The following HS6ST2 variants were observed in gnomAD, a reference collection of about 807,000 sequenced individuals.
HS6ST2 encodes heparan sulfate 6-O-sulfotransferase 2, also known as heparan-sulfate 6-O-sulfotransferase 2.
HS6ST2 carries 17 observed loss-of-function variants against 33.0 expected under a neutral mutation model. That is an observed-to-expected ratio of 0.52 (90% confidence interval 0.35 to 0.77). HS6ST2 has a LOEUF of 0.77. HS6ST2 is among the 30% of genes least tolerant of loss of function. The probability of loss-of-function intolerance (pLI) is 0.01; values close to 1 mark genes in which losing one functional copy is unlikely to be tolerated. For synonymous variants in HS6ST2, 248 were observed against 237.1 expected (o/e 1.05, Z -0.42); for missense variants, 519 against 551.7 (o/e 0.94, Z 0.59).
intron 2 of HS6ST2, among the ~76,000 whole-genome samples, chrX:132,870,450 A>T (rs765538294): frequency 1.9e-3 from 207 of 111,709 alleles, no homozygotes; most frequent in African/African-American, 6.3e-3. Flanking sequence ...AAAAGAGCCC[A>T]TGTAGCCAAG....
At chrX:132,827,929 T>G (rs757901107) in intron 2 of HS6ST2, among the ~76,000 whole-genome samples, 1 of 111,901 alleles carries the variant, frequency 8.9e-6, no homozygotes, top group Non-Finnish European at 1.9e-5. Flanking sequence ...GAGCCATGAT[T>G]TTCATCAAAA....
At chrX:132,864,991 T>C (rs751861443) in intron 2 of HS6ST2, among the ~76,000 whole-genome samples, 121 of 110,980 alleles carry the variant, frequency 1.1e-3, no homozygotes, top group African/African-American at 3.9e-3. Flanking sequence ...TTTATTATTA[T>C]TATACTTTAA....
At chrX:132,816,815 G>A (rs772043914) in intron 2 of HS6ST2, among the ~76,000 whole-genome samples, 64 of 111,563 alleles carry the variant, frequency 5.7e-4, no homozygotes, top group African/African-American at 2.0e-3. Flanking sequence ...AGGAAGTCTC[G>A]CTGCCAGCTG....
chrX:132,629,050 A>G lies in HS6ST2; in HGVS notation c.1111T>C (p.Tyr371His). 8.3e-7 allele frequency: 1 copy of G among 1,202,585 alleles called. No individual in the cohort carries two copies. Among genetic ancestry groups the G allele is most frequent in the South Asian group, 1.8e-5 (1 of 55,392 alleles). ...TGGACATGCCTCCACTCACTCAAGT[A>G]CCGGGACACTGGGTCTCGGAGGATG... is the stretch of plus-strand genomic sequence containing the variant. ...ITILRDPVSR[Y>H]LSEWRHVQRG... is the part of the protein sequence containing the mutation. The change falls in exon 5 of 5, where the codon TAC becomes CAC. Residue 371 changes from tyrosine to histidine, a missense_variant. By Grantham distance (83) the Tyr-to-His change is moderately conservative. Transcript: ENST00000370833.
chrX:132,958,086 C>T, intron 1 of HS6ST2, 89 bp downstream of exon 1: 1 of 921,718 alleles, frequency 1.1e-6, no homozygotes, highest in Non-Finnish European at 1.4e-6. Context: ...TTACGCCCTT[C>T]TCTACCCCCC....
chrX:132,945,926 C>G (rs2066948890), intron 2 of HS6ST2, among the ~76,000 whole-genome samples: 1 of 109,496 alleles, frequency 9.1e-6, no homozygotes, highest in Admixed American at 9.7e-5. Context: ...GTGCAGCACA[C>G]CAACATGGCA....
At chrX:132,728,134 T>A (rs1194964863) in intron 2 of HS6ST2, among the ~76,000 whole-genome samples, 1 of 112,258 alleles carries the variant, frequency 8.9e-6, no homozygotes, top group East Asian at 2.8e-4. Flanking sequence ...TGAACATGTG[T>A]TTTCATTTCT....
intron 2 of HS6ST2, among the ~76,000 whole-genome samples, chrX:132,796,363 C>A (rs1000999776): frequency 8.9e-6 from 1 of 112,172 alleles, no homozygotes; most frequent in Non-Finnish European, 1.9e-5. Flanking sequence ...CTTTTTAATT[C>A]TTGCTGCCCT....
At chrX:132,756,820 G>GGTGTGT (rs3065679) in intron 2 of HS6ST2, among the ~76,000 whole-genome samples, 1,031 of 97,313 alleles carry the variant, frequency 0.011, 6 homozygotes, top group South Asian at 0.024. Context: ...CCCTGTGCAT[G>GGTGTGT]GTGTGTGTGT....
intron 2 of HS6ST2, among the ~76,000 whole-genome samples, chrX:132,765,166 G>A (rs749625343): frequency 1.8e-5 from 2 of 112,278 alleles, no homozygotes. Context: ...AGAGAGAGAT[G>A]CAAAATTCTC....
intron 3 of HS6ST2, among the ~76,000 whole-genome samples, chrX:132,672,462 G>A (rs888800429): frequency 2.7e-5 from 3 of 111,344 alleles, no homozygotes; most frequent in South Asian, 3.8e-4. Context: ...CAAACCTTAT[G>A]TCCTACAATT....
intron 4 of HS6ST2, among the ~76,000 whole-genome samples, chrX:132,630,995 TG>T (rs1179048180): frequency 9.0e-6 from 1 of 111,683 alleles, no homozygotes; most frequent in Non-Finnish European, 1.9e-5. Flanking sequence ...TACAATTAAT[TG>T]TTTATATTTC....
At chrX:132,821,179 G>A (rs991818901) in intron 2 of HS6ST2, among the ~76,000 whole-genome samples, 1 of 104,168 alleles carries the variant, frequency 9.6e-6, no homozygotes, top group African/African-American at 3.5e-5. Flanking sequence ...TCACTGTAAT[G>A]AAATCATAGT....
At chrX:132,692,892 T>C (rs751462258) in intron 3 of HS6ST2, among the ~76,000 whole-genome samples, 18 of 112,190 alleles carry the variant, frequency 1.6e-4, no homozygotes, top group African/African-American at 4.9e-4. Flanking sequence ...CTCATGTCCC[T>C]ATTTCCCCCA....
chrX:132,872,317 C>T (rs781164266), intron 2 of HS6ST2, among the ~76,000 whole-genome samples: 3 of 112,018 alleles, frequency 2.7e-5, no homozygotes, highest in Non-Finnish European at 5.6e-5. Flanking sequence ...CTTGTTTATA[C>T]TACCTGTATG....
chrX:132,961,360 C>T (rs1022876954), upstream of HS6ST2: 5 of 110,914 alleles, frequency 4.5e-5, no homozygotes, highest in African/African-American at 1.6e-4. Flanking sequence ...AATGAAAAGG[C>T]TGATGATTCT....
In HS6ST2 at chrX:132,788,444, A is replaced by G. The variant is rs184002419; in HGVS notation, c.948-79950T>C. ...TGCTCCACTAACTAGCCATTCCTTC[A>G]TCTCTCTCCCTCTCCTTGGGCCTCG... is the stretch of plus-strand genomic sequence containing the variant. On this transcript the variant is annotated intron_variant, in intron 2 of 4. Transcript: ENST00000370833. Among the ~76,000 whole-genome samples the G allele has an allele frequency of 1.7e-4, 19 of 111,253 alleles. 1 individual carries two copies. The highest frequency in any genetic ancestry group is 6.2e-4 in the African/African-American group (19 of 30,637).
At chrX:132,710,287 A>G (rs2064220216) in intron 2 of HS6ST2, among the ~76,000 whole-genome samples, 1 of 112,008 alleles carries the variant, frequency 8.9e-6, no homozygotes, top group Admixed American at 9.5e-5. Flanking sequence ...ACTAATTAGA[A>G]GAGAATGAAT....
chrX:132,736,096 C>T (rs1295137765), intron 2 of HS6ST2, among the ~76,000 whole-genome samples: 10 of 111,179 alleles, frequency 9.0e-5, no homozygotes, highest in Non-Finnish European at 1.1e-4. Flanking sequence ...CCACCCGCCT[C>T]GGCCTCCCAA....
Sources: gnomAD v4.1 joint callset for allele counts (sites outside exome capture counted in the v4.1 genomes callset) on GRCh38, gnomAD v4.1.1 for gene constraint, MANE v1.5 for transcripts, NCBI Gene and HGNC (gene_info 2026-07-23, HGNC 2026-07-21) for gene names.